Variants in PPM1D observed in about 807,000 individuals in gnomAD.
The protein encoded by PPM1D is protein phosphatase 1D.
PPM1D carries 52 observed loss-of-function variants against 58.3 expected under a neutral mutation model. The ratio of observed to expected loss-of-function variants is 0.89; its 90% confidence interval spans 0.71 to 1.12. The LOEUF is 1.12. Ranked by LOEUF, PPM1D falls within the 50% of genes most tolerant of loss-of-function variation. The probability of loss-of-function intolerance (pLI) is 0.00; values close to 1 mark genes in which losing one functional copy is unlikely to be tolerated. For synonymous variants in PPM1D, 278 were observed against 285.1 expected, an observed-to-expected ratio of 0.98 and a Z score of 0.25; for missense variants, 564 against 777.2, an observed-to-expected ratio of 0.73 and a Z score of 3.26.
At chr17:60,622,334 T>C (rs755594491) in intron 1 of PPM1D, among the ~76,000 whole-genome samples, 16 of 152,242 alleles carry the variant, frequency 1.1e-4, no homozygotes. Flanking sequence ...CATCTTTGCC[T>C]ATGACCTTTC....
chr17:60,647,410 T>C (rs965515241), intron 3 of PPM1D, among the ~76,000 whole-genome samples: 2 of 152,180 alleles, frequency 1.3e-5, no homozygotes, highest in African/African-American at 2.4e-5. Flanking sequence ...CGTTGACTTA[T>C]ATATTGGGTT....
At chr17:60,630,086 C>T (rs910828114) in intron 2 of PPM1D, among the ~76,000 whole-genome samples, 81 of 152,006 alleles carry the variant, frequency 5.3e-4, no homozygotes, top group Non-Finnish European at 4.1e-4. Context: ...CACTTGTAAT[C>T]CTAGCGCTTT....
chr17:60,627,003 G>C (rs992765345), intron 2 of PPM1D, among the ~76,000 whole-genome samples: 5 of 152,016 alleles, frequency 3.3e-5, no homozygotes, highest in Admixed American at 6.6e-5. Context: ...AATGTGTAGG[G>C]GCTAGCTGTA....
chr17:60,608,548 C>T (rs946141474), intron 1 of PPM1D, among the ~76,000 whole-genome samples: 8 of 151,818 alleles, frequency 5.3e-5, no homozygotes, highest in African/African-American at 1.7e-4. Context: ...CTGAGATCAA[C>T]GACACTGCAC....
intron 1 of PPM1D, among the ~76,000 whole-genome samples, chr17:60,610,568 A>G (rs756730690): frequency 2.4e-4 from 36 of 152,324 alleles, no homozygotes; most frequent in Middle Eastern, 3.4e-3. Flanking sequence ...AGGTTTGGCA[A>G]AGTAAAGCCT....
intron 1 of PPM1D, among the ~76,000 whole-genome samples, chr17:60,612,014 A>C (rs1257824761): frequency 6.6e-6 from 1 of 151,514 alleles, no homozygotes; most frequent in African/African-American, 2.4e-5. Context: ...CACTGACTAC[A>C]TGTAGTCAGT....
intron 1 of PPM1D, among the ~76,000 whole-genome samples, chr17:60,611,780 G>A (rs2030460731): frequency 6.6e-6 from 1 of 152,114 alleles, no homozygotes. Flanking sequence ...GTATCTTCCA[G>A]TTTTTAGTTT....
In PPM1D at chr17:60,656,691, C is replaced by A; in HGVS notation, c.1110C>A (p.Ala370=). The change falls in exon 5 of 6, where the codon GCC becomes GCA. Residue 370 remains alanine (A), a synonymous_variant. Coordinates refer to ENST00000305921, the MANE Select transcript of PPM1D (RefSeq NM_003620.4). ...QRMLRADNTS[A]IVICISPEVD... ...TGCTCCGAGCAGATAACACTAGTGC[C>A]ATAGTAATCTGCATCTCTCCAGAAG... 1 of 1,614,148 alleles carries A rather than the reference C, an allele frequency of 6.2e-7. No individual in the cohort carries two copies. The highest frequency in any genetic ancestry group is 8.5e-7 in the Non-Finnish European group (1 of 1,180,026).
intron 1 of PPM1D, among the ~76,000 whole-genome samples, chr17:60,605,774 G>A (rs1183477513): frequency 6.6e-6 from 1 of 152,160 alleles, no homozygotes. Context: ...ACGTGGTGGT[G>A]TGTACCTGTA....
At chr17:60,662,959 A>C in intron 5 of PPM1D, 36 bp from the exon 6 acceptor site, 3 of 1,543,778 alleles carry the variant, frequency 1.9e-6, no homozygotes, top group Non-Finnish European at 2.6e-6. Flanking sequence ...TCTGGGATAA[A>C]TTTTTTCTTA....
intron 3 of PPM1D, among the ~76,000 whole-genome samples, chr17:60,646,192 G>C (rs1240700095): frequency 9.2e-5 from 14 of 152,162 alleles, no homozygotes. Flanking sequence ...AGCTTATCTG[G>C]ATTATAATTA....
intron 1 of PPM1D, among the ~76,000 whole-genome samples, chr17:60,612,397 G>A (rs1309103759): frequency 6.6e-6 from 1 of 151,904 alleles, no homozygotes; most frequent in Non-Finnish European, 1.5e-5. Flanking sequence ...AACCTAGATG[G>A]TATAGCCTAC....
intron 3 of PPM1D, among the ~76,000 whole-genome samples, chr17:60,635,020 T>C (rs2030997099): frequency 6.6e-6 from 1 of 151,950 alleles, no homozygotes; most frequent in South Asian, 2.1e-4. Flanking sequence ...CATCCTCCTA[T>C]CTCGGTCTCC....
At chr17:60,639,533 G>C (rs146411975) in intron 3 of PPM1D, among the ~76,000 whole-genome samples, 83 of 152,250 alleles carry the variant, frequency 5.5e-4, no homozygotes, top group African/African-American at 1.9e-3. Context: ...CGCCTTCCGG[G>C]TTCAAGCGAT....
At chr17:60,621,938 A>C (rs1309180235) in intron 1 of PPM1D, among the ~76,000 whole-genome samples, 1 of 149,542 alleles carries the variant, frequency 6.7e-6, no homozygotes, top group African/African-American at 2.5e-5. Flanking sequence ...CTGTAATCCC[A>C]ACACTTTGGG....
At chr17:60,603,993 A>G (rs1447273963) in intron 1 of PPM1D, among the ~76,000 whole-genome samples, 2 of 152,240 alleles carry the variant, frequency 1.3e-5, no homozygotes, top group Non-Finnish European at 2.9e-5. Context: ...AGTTTGCTGA[A>G]TTGGAATTTG....
At chr17:60,642,375 T>TTA (rs1023512370) in intron 3 of PPM1D, among the ~76,000 whole-genome samples, 3 of 149,270 alleles carry the variant, frequency 2.0e-5, no homozygotes, top group African/African-American at 7.4e-5. Context: ...TTTTTTTTTT[T>TTA]ACATTTAAAG....
intron 4 of PPM1D, among the ~76,000 whole-genome samples, chr17:60,649,246 C>A (rs375195944): frequency 1.2e-4 from 19 of 152,078 alleles, no homozygotes; most frequent in Admixed American, 6.6e-4. Context: ...TCATCATCAT[C>A]CCCTAACAGA....
intron 1 of PPM1D, among the ~76,000 whole-genome samples, chr17:60,612,272 T>C (rs2030473507): frequency 1.3e-5 from 2 of 151,872 alleles, no homozygotes; most frequent in Admixed American, 1.3e-4. Context: ...TTGTAGATTA[T>C]TTTTTCTATA....
Sources: allele counts gnomAD v4.1 joint callset (sites outside exome capture counted in the v4.1 genomes callset), GRCh38; gene constraint gnomAD v4.1.1; transcripts MANE v1.5; gene names NCBI Gene and HGNC (gene_info 2026-07-23, HGNC 2026-07-21).